The following ATRNL1 variants were observed in gnomAD, a reference collection of about 807,000 sequenced individuals.
ATRNL1 encodes attractin-like protein 1.
ATRNL1 carries 95 observed loss-of-function variants against 182.7 expected under a neutral mutation model. The observed-to-expected ratio is 0.52, with a 90% CI of 0.44 to 0.62. The LOEUF (loss-of-function observed/expected upper bound fraction) is 0.62, where lower values mean the gene tolerates loss of function less well. ATRNL1 is among the 20% of genes least tolerant of loss of function. The pLI, the probability that ATRNL1 is intolerant of heterozygous loss-of-function variation, is 0.00. For synonymous variants in ATRNL1, 576 were observed against 568.3 expected (o/e 1.01, Z -0.19); for missense variants, 1,471 against 1,679.5 (o/e 0.88, Z 2.17).
At chr10:115,791,914 G>A (rs551331914) in intron 27 of ATRNL1, among the ~76,000 whole-genome samples, 1 of 152,200 alleles carries the variant, frequency 6.6e-6, no homozygotes, top group East Asian at 1.9e-4. Flanking sequence ...TAGTTATAGA[G>A]TTTCTGCTAT....
At chr10:115,762,288 G>A (rs1252827620) in intron 27 of ATRNL1, among the ~76,000 whole-genome samples, 5 of 115,020 alleles carry the variant, frequency 4.3e-5, no homozygotes, top group Non-Finnish European at 1.0e-4. Flanking sequence ...GGCTCAGACT[G>A]CACTGATGAC....
chr10:115,217,078 TATTTA>T (rs200544222), intron 9 of ATRNL1, among the ~76,000 whole-genome samples: 201 of 152,202 alleles, frequency 1.3e-3, no homozygotes, highest in African/African-American at 4.5e-3. Flanking sequence ...TTTAAACATG[TATTTA>T]ATTTAATTTA....
intron 26 of ATRNL1, among the ~76,000 whole-genome samples, chr10:115,648,954 T>A (rs1555033575): frequency 6.6e-6 from 1 of 152,140 alleles, no homozygotes; most frequent in East Asian, 1.9e-4. Context: ...TGTGTTCACC[T>A]CTAGCCTCTG....
In ATRNL1 at chr10:115,944,873, CTG is replaced by C. The variant is rs201709963; in HGVS notation, c.*96_*97del. On this transcript the variant is annotated 3_prime_UTR_variant, in exon 29 of 29. Coordinates refer to ENST00000355044, the MANE Select transcript of ATRNL1 (RefSeq NM_207303.4). Reference sequence around the variant, plus strand: ...CCTTGGATTTTATGGAGGCAGATCTCTGTATCATCCAGAGCCTGAGTACAGTT... The same window carrying C: ...CCTTGGATTTTATGGAGGCAGATCTCTATCATCCAGAGCCTGAGTACAGTT... 9.3e-4 allele frequency: 1,300 copies of C among 1,401,254 alleles called. 16 individuals carry two copies. In the African/African-American group the frequency reaches 0.017, roughly 18 times the overall value. 86.8% of individuals were successfully genotyped at this position (1,401,254 alleles called of 1,614,324 possible).
At chr10:115,535,385 TCCAGTTGATCGCA>T (rs1221380020) in intron 25 of ATRNL1, among the ~76,000 whole-genome samples, 1 of 151,794 alleles carries the variant, frequency 6.6e-6, no homozygotes, top group African/African-American at 2.4e-5. Flanking sequence ...TACCCTTTCT[TCCAGTTGATCGCA>T]TCGGCTCCTG....
At position 115,947,929 on chromosome 10, in the gene ATRNL1, G is replaced by T. The variant is rs1333683215; in HGVS notation, c.*3150G>T. 1 of 152,184 alleles carries T rather than the reference G, an allele frequency of 6.6e-6. No homozygotes were observed. Among genetic ancestry groups the T allele is most frequent in the African/African-American group, 2.4e-5 (1 of 41,450 alleles). 9.4% of individuals were successfully genotyped at this position (152,184 alleles called of 1,614,324 possible). A position where few individuals can be genotyped will look rare whatever the true frequency, so the allele number is the denominator to read the frequency against. On this transcript the variant is annotated 3_prime_UTR_variant, in exon 29 of 29. Transcript: ENST00000355044. ...GAGGCTAGATGGTAACACACAGAAA[G>T]CTCCCACAGTGGGACCTTGATGCAG...
chr10:115,242,413 C>T (rs183213463), intron 10 of ATRNL1, among the ~76,000 whole-genome samples: 1 of 151,792 alleles, frequency 6.6e-6, no homozygotes, highest in Non-Finnish European at 1.5e-5. Flanking sequence ...CCAGTAGACC[C>T]TTGTAGTGAA....
rs369441536 is a variant in ATRNL1, at chr10:115,882,881, C to T, written c.4018+34890C>T. Among the ~76,000 whole-genome samples, 7 of 152,164 alleles carry T rather than the reference C, an allele frequency of 4.6e-5. No individual in the cohort carries two copies. In the South Asian group the frequency reaches 6.2e-4, roughly 14 times the overall value. ...TAGTGCTCCCTGCCTCCCAATGGGC[C>T]GCCAGTTATTTATGGAAGGAATAAA... On this transcript the variant is annotated intron_variant, in intron 28 of 28. Coordinates refer to ENST00000355044, the MANE Select transcript of ATRNL1 (RefSeq NM_207303.4).
chr10:115,445,645 T>G (rs1224637171), intron 21 of ATRNL1, among the ~76,000 whole-genome samples: 1 of 151,798 alleles, frequency 6.6e-6, no homozygotes, highest in Non-Finnish European at 1.5e-5. Flanking sequence ...AGTCACCATT[T>G]TAAAGTGTAC....
chr10:115,914,575 G>T (rs1362578547), intron 28 of ATRNL1, among the ~76,000 whole-genome samples: 1 of 152,186 alleles, frequency 6.6e-6, no homozygotes, highest in Non-Finnish European at 1.5e-5. Context: ...ATTTCTGCTG[G>T]TGAGGCAGTC....
At chr10:115,219,231 CAAAAAAA>C (rs78580406) in intron 9 of ATRNL1, among the ~76,000 whole-genome samples, 6 of 60,842 alleles carry the variant, frequency 9.9e-5, no homozygotes, top group Admixed American at 3.7e-4. Context: ...GACTCCATCT[CAAAAAAA>C]AAAAAAAAAA....
At chr10:115,708,882 TCAAGA>T (rs1555053726) in intron 26 of ATRNL1, among the ~76,000 whole-genome samples, 1 of 151,788 alleles carries the variant, frequency 6.6e-6, no homozygotes, top group African/African-American at 2.4e-5. Flanking sequence ...TTTGTTAAGG[TCAAGA>T]CAAGATTTAA....
At chr10:115,912,111 T>C (rs1028347670) in intron 28 of ATRNL1, among the ~76,000 whole-genome samples, 7 of 152,158 alleles carry the variant, frequency 4.6e-5, no homozygotes, top group African/African-American at 1.7e-4. Context: ...CAGGGCAGCC[T>C]AGTTCTAGAA....
chr10:115,301,826 A>G, intron 16 of ATRNL1, 29 bp from the exon 17 acceptor site: 1 of 1,543,174 alleles, frequency 6.5e-7, no homozygotes, highest in Non-Finnish European at 8.8e-7. Context: ...GTTAAAAATG[A>G]AATTATTGTA....
At chr10:115,197,452 T>C (rs1848403490) in intron 8 of ATRNL1, among the ~76,000 whole-genome samples, 1 of 152,150 alleles carries the variant, frequency 6.6e-6, no homozygotes, top group Non-Finnish European at 1.5e-5. Flanking sequence ...AAATGGTTGA[T>C]AGAATTTGAT....
At chr10:115,423,125 G>A (rs1337102869) in intron 20 of ATRNL1, among the ~76,000 whole-genome samples, 1 of 152,234 alleles carries the variant, frequency 6.6e-6, no homozygotes, top group East Asian at 1.9e-4. Flanking sequence ...TGATAAATCC[G>A]TGAGGTGATG....
chr10:115,489,410 T>A (rs530088733), intron 24 of ATRNL1, among the ~76,000 whole-genome samples: 10 of 152,184 alleles, frequency 6.6e-5, no homozygotes, highest in Non-Finnish European at 1.5e-4. Flanking sequence ...TGGGTGCTCC[T>A]GTATTGGGTG....
At chr10:115,458,046 C>T (rs1847613351) in intron 21 of ATRNL1, among the ~76,000 whole-genome samples, 1 of 151,796 alleles carries the variant, frequency 6.6e-6, no homozygotes, top group South Asian at 2.1e-4. Context: ...TTCTTTATAC[C>T]ATAATAGAGT....
chr10:115,581,901 C>A (rs1350678707), intron 26 of ATRNL1, among the ~76,000 whole-genome samples: 1 of 122,428 alleles, frequency 8.2e-6, no homozygotes, highest in Non-Finnish European at 1.7e-5. Flanking sequence ...CCCCTCCCCC[C>A]ACCCCACAAC....
Sources: gnomAD v4.1 joint callset for allele counts (sites outside exome capture counted in the v4.1 genomes callset) on GRCh38, gnomAD v4.1.1 for gene constraint, MANE v1.5 for transcripts, NCBI Gene and HGNC (gene_info 2026-07-23, HGNC 2026-07-21) for gene names.